Variants in ARFGEF3 observed in about 807,000 individuals in gnomAD.
The protein encoded by ARFGEF3 is brefeldin A-inhibited guanine nucleotide-exchange protein 3.
In ARFGEF3, 96 loss-of-function variants were observed where a neutral mutation model predicts 221.7. The observed-to-expected ratio is 0.43, with a 90% CI of 0.37 to 0.51. The LOEUF is 0.51. ARFGEF3 is among the 20% of genes least tolerant of loss of function. The pLI, the probability that ARFGEF3 is intolerant of heterozygous loss-of-function variation, is 0.00. For missense variants in ARFGEF3, 2,410 were observed against 2,789.9 expected (o/e 0.86, Z 3.07); for synonymous variants, 1,145 against 1,126.8 (o/e 1.02, Z -0.32).
At position 138,342,536 on chromosome 6, in the gene ARFGEF3, C is replaced by A. The variant is rs1780449132; in HGVS notation, c.*6050C>A. 1 of 152,046 alleles carries A rather than the reference C, an allele frequency of 6.6e-6. No individual in the cohort carries two copies. 9.4% of individuals were successfully genotyped at this position (152,046 alleles called of 1,614,324 possible). ...TATGGAACAGTGAGATAAATCTAAG[C>A]TTCTTGTCTTTGTATTTAGAAACAT... On this transcript the variant is annotated 3_prime_UTR_variant, in exon 34 of 34. Transcript: ENST00000251691.
At chr6:138,288,244 C>T (rs2114631160) in intron 17 of ARFGEF3, among the ~76,000 whole-genome samples, 1 of 152,154 alleles carries the variant, frequency 6.6e-6, no homozygotes, top group East Asian at 1.9e-4. Context: ...ATTAGCCAGG[C>T]ATGGTGGCAT....
intron 14 of ARFGEF3, among the ~76,000 whole-genome samples, chr6:138,282,877 C>T (rs929703760): frequency 6.6e-6 from 1 of 151,936 alleles, no homozygotes; most frequent in East Asian, 1.9e-4. Flanking sequence ...GGTGAAACCC[C>T]ATCTCTACAA....
intron 12 of ARFGEF3, among the ~76,000 whole-genome samples, chr6:138,270,474 C>A (rs1778985060): frequency 1.0e-5 from 1 of 99,216 alleles, no homozygotes; most frequent in Non-Finnish European, 2.6e-5. Context: ...ATATATATAT[C>A]TGGGCTCTAG....
chr6:138,260,627 GA>G (rs1270829293), intron 10 of ARFGEF3, among the ~76,000 whole-genome samples: 2 of 151,706 alleles, frequency 1.3e-5, no homozygotes, highest in Non-Finnish European at 1.5e-5. Flanking sequence ...AAAAAGAATA[GA>G]ATAAATTCAA....
At chr6:138,183,964 A>G (rs76904396) in intron 2 of ARFGEF3, among the ~76,000 whole-genome samples, 2,401 of 152,182 alleles carry the variant, frequency 0.016, 34 homozygotes, top group Middle Eastern at 0.058. Context: ...TATCTCCCCC[A>G]TATTGGGGCA....
chr6:138,276,418 T>C (rs1050589308), intron 12 of ARFGEF3, among the ~76,000 whole-genome samples: 6 of 152,234 alleles, frequency 3.9e-5, no homozygotes, highest in African/African-American at 1.4e-4. Flanking sequence ...GCATGAGATA[T>C]AGTTGTTTGT....
At chr6:138,262,674 C>A in intron 11 of ARFGEF3, 27 bp from the exon 12 acceptor site, 1 of 1,559,792 alleles carries the variant, frequency 6.4e-7, no homozygotes, top group South Asian at 1.2e-5. Context: ...TGCATTTATT[C>A]CATTTTCTCT....
intron 10 of ARFGEF3, among the ~76,000 whole-genome samples, chr6:138,258,978 T>C (rs1489133207): frequency 2.6e-5 from 4 of 152,222 alleles, no homozygotes; most frequent in African/African-American, 9.6e-5. Flanking sequence ...GTTATGTTTA[T>C]CTGTTCATCG....
Position 138,334,068 on chromosome 6 carries a change from C to G in ARFGEF3, c.5222C>G (p.Ser1741Cys). ...ILLEEFVKGP[S>C]PGEEKTIQVP... ...TTAGAAGAGTTTGTCAAAGGCCCCT[C>G]TCCTGGAGAGGAAAAGACGATACAA... The change falls in exon 33 of 34, where the codon TCT becomes TGT. Residue 1741 changes from serine (S) to cysteine (C), a missense_variant. This residue lies in a region of ARFGEF3 where 723 missense variants were observed against 991.9 expected (regional missense o/e 0.73). Coordinates refer to ENST00000251691, the MANE Select transcript of ARFGEF3 (RefSeq NM_020340.5). This position sits in a 1 kb window ranked among gnomAD's most constrained non-coding sequence, Gnocchi z 5.1. 1 of 1,613,970 alleles carries G rather than the reference C, an allele frequency of 6.2e-7. No homozygotes were observed. The highest frequency in any genetic ancestry group is 8.5e-7 in the Non-Finnish European group (1 of 1,179,900).
intron 2 of ARFGEF3, among the ~76,000 whole-genome samples, chr6:138,193,805 G>A: frequency 6.6e-6 from 1 of 152,154 alleles, no homozygotes; most frequent in East Asian, 1.9e-4. Flanking sequence ...TAATAGGCCA[G>A]TGAGTCTTGA....
At chr6:138,206,549 G>A (rs1312701605) in intron 2 of ARFGEF3, among the ~76,000 whole-genome samples, 1 of 148,564 alleles carries the variant, frequency 6.7e-6, no homozygotes, top group African/African-American at 2.6e-5. Flanking sequence ...TTGAGTTGAG[G>A]AGGAATTGAC....
intron 23 of ARFGEF3, among the ~76,000 whole-genome samples, chr6:138,308,381 A>G (rs1284112953): frequency 6.6e-6 from 1 of 152,198 alleles, no homozygotes; most frequent in Non-Finnish European, 1.5e-5. Context: ...AAAGAAACTC[A>G]TATATGCCAC....
intron 14 of ARFGEF3, among the ~76,000 whole-genome samples, chr6:138,284,175 C>T (rs1217655339): frequency 6.6e-6 from 1 of 152,080 alleles, no homozygotes; most frequent in Non-Finnish European, 1.5e-5. Context: ...TGTGGTGGCA[C>T]ATACCTGTAA....
At chr6:138,279,438 G>C (rs1779158415) in intron 13 of ARFGEF3, among the ~76,000 whole-genome samples, 2 of 152,250 alleles carry the variant, frequency 1.3e-5, no homozygotes, top group African/African-American at 4.8e-5. Flanking sequence ...GATACAATGA[G>C]AGTGTTGGTT....
intron 12 of ARFGEF3, among the ~76,000 whole-genome samples, chr6:138,267,882 G>A (rs975382208): frequency 1.3e-5 from 2 of 152,132 alleles, no homozygotes; most frequent in African/African-American, 4.8e-5. Flanking sequence ...ACAAATGTTT[G>A]GTTGTTTTCA....
chr6:138,266,665 T>C (rs552386509), intron 12 of ARFGEF3, among the ~76,000 whole-genome samples: 13 of 151,982 alleles, frequency 8.6e-5, no homozygotes, highest in South Asian at 8.3e-4. Flanking sequence ...CTGGCTAATA[T>C]GGTGAAACCC....
In ARFGEF3 at chr6:138,191,208, T is replaced by G. The variant is rs572986621; in HGVS notation, c.138-15834T>G. 3.9e-5 allele frequency among the ~76,000 whole-genome samples: 6 copies of G among 152,250 alleles called. No individual in the cohort carries two copies. In the South Asian group the frequency reaches 1.2e-3, roughly 32 times the overall value. ...TTTCACAGTAGAGTTAGGTTTCTAG[T>G]GGGAACTGATAATTCATAGTAGTTA... On this transcript the variant is annotated intron_variant, in intron 2 of 33. Coordinates refer to ENST00000251691, the MANE Select transcript of ARFGEF3 (RefSeq NM_020340.5).
Position 138,291,912 on chromosome 6 carries a change from C to A in ARFGEF3, c.3227C>A (p.Ala1076Asp), listed in dbSNP as rs765117101. Residue 1076 changes from alanine (A) to aspartate (D), a missense_variant, in exon 19 of 34, where the codon GCC becomes GAC. By Grantham distance (126) the Ala-to-Asp change is moderately radical (BLOSUM62 -2). Around this residue, in one of 5 missense-constraint regions of ARFGEF3, gnomAD observed 184 missense variants for 141.8 expected, o/e 1.30. Transcript: ENST00000251691. The surrounding 1 kb of genome is among the most constrained non-coding windows in gnomAD (Gnocchi z 4.5). ...GAGCAGGGGCGCTCCCTGAGCACGGCCCCTGTCGTCCAGCCCCTGTCCATC... is the reference window on the plus strand; with the variant it reads ...GAGCAGGGGCGCTCCCTGAGCACGGACCCTGTCGTCCAGCCCCTGTCCATC... ...SPEQGRSLST[A>D]PVVQPLSIQD... 11 of 1,488,254 alleles carry A rather than the reference C, an allele frequency of 7.4e-6. No homozygotes were observed. In the South Asian group the frequency reaches 1.4e-4, roughly 19 times the overall value. The allele number at this position is 1,488,254 out of a possible 1,614,324, so 92.2% of individuals were successfully genotyped here.
Position 138,336,764 on chromosome 6 carries a change from C to T in ARFGEF3, c.*278C>T, listed in dbSNP as rs1780334060. On this transcript the variant is annotated 3_prime_UTR_variant, in exon 34 of 34. Transcript: ENST00000251691. ...TGTTTCTAACTCTTGAAGTATATTT[C>T]CCAGTGCTTTTGCTTACAGTGTTGT... 1.3e-5 allele frequency: 3 copies of T among 238,150 alleles called. No individual in the cohort carries two copies. Among genetic ancestry groups the T allele is most frequent in the Non-Finnish European group, 2.4e-5 (3 of 124,994 alleles). 14.8% of individuals were successfully genotyped at this position (238,150 alleles called of 1,614,324 possible).
Sources: gnomAD v4.1 joint callset for allele counts (sites outside exome capture counted in the v4.1 genomes callset) on GRCh38, gnomAD v4.1.1 for gene constraint, gnomAD v4.1.1 regional missense constraint, Gnocchi (gnomAD v3.1) non-coding constraint, MANE v1.5 for transcripts, NCBI Gene and HGNC (gene_info 2026-07-23, HGNC 2026-07-21) for gene names.